The following FNDC7 variants were observed in gnomAD, a reference collection of about 807,000 sequenced individuals.
FNDC7 encodes the protein fibronectin type III domain-containing protein 7.
Under a neutral mutation model 74.2 loss-of-function variants are expected in FNDC7, and 66 were observed. The observed-to-expected ratio is 0.89, with a 90% CI of 0.73 to 1.09. The LOEUF (loss-of-function observed/expected upper bound fraction) is 1.09, where lower values mean the gene tolerates loss of function less well. Ranked by LOEUF, FNDC7 falls within the 50% of genes least tolerant of loss-of-function variation. FNDC7 has a pLI of 0.00. For synonymous variants in FNDC7, 307 were observed against 330.2 expected (o/e 0.93, Z 0.76); for missense variants, 829 against 893.4 (o/e 0.93, Z 0.92).
Position 108,725,803 on chromosome 1 carries a change from T to C in FNDC7, c.910T>C (p.Ser304Pro), listed in dbSNP as rs751402544. The change falls in exon 6 of 13, where the codon TCT (serine) becomes CCT (proline). Residue 304 changes from serine to proline, a missense_variant. Transcript: ENST00000370017. ...CCAAGAAGATCCCCCTGGCCACCTGTCTGTGGCTTGGTCCAGTGTAGATCT... is the reference window on the plus strand; with the variant it reads ...CCAAGAAGATCCCCCTGGCCACCTGCCTGTGGCTTGGTCCAGTGTAGATCT... ...TIQEDPPGHL[S>P]VAWSSVDLGD... The C allele has an allele frequency of 1.9e-6, 3 of 1,614,126 alleles. No individual in the cohort carries two copies. Among genetic ancestry groups the C allele is most frequent in the Non-Finnish European group, 2.5e-6 (3 of 1,179,966 alleles).
At chr1:108,739,002 T>C (rs1661580761) in intron 11 of FNDC7, among the ~76,000 whole-genome samples, 1 of 152,120 alleles carries the variant, frequency 6.6e-6, no homozygotes, top group Non-Finnish European at 1.5e-5. Context: ...AGTATCTCCC[T>C]GAGACATAGA....
chr1:108,716,320 G>GGTGT (rs141850435), intron 2 of FNDC7, among the ~76,000 whole-genome samples: 9,024 of 95,114 alleles, frequency 0.095, 454 homozygotes, highest in Non-Finnish European at 0.11. Context: ...GCAGAAGAGA[G>GGTGT]GTGTGTGTGT....
At chr1:108,713,358 T>C in intron 1 of FNDC7, 153 bp from the exon 2 acceptor site, 3 of 687,336 alleles carry the variant, frequency 4.4e-6, no homozygotes, top group East Asian at 5.5e-5. Flanking sequence ...TGGGAAATGA[T>C]TTGTGTGGAG....
Position 108,717,824 on chromosome 1 carries a change from A to G in FNDC7, c.130A>G (p.Ser44Gly). Reference sequence around the variant, plus strand: ...TCAGGCATATTCAAAACTCAGCAACAGTATCACTGTAGAATGGGCTACAGT... The same window carrying G: ...TCAGGCATATTCAAAACTCAGCAACGGTATCACTGTAGAATGGGCTACAGT... ...IDQAYSKLSN[S>G]ITVEWATVPG... The change falls in exon 3 of 13, where the codon AGT (serine) becomes GGT (glycine). Residue 44 changes from serine (S) to glycine (G), a missense_variant. Coordinates refer to ENST00000370017, the MANE Select transcript of FNDC7 (RefSeq NM_001144937.3). 1 of 1,551,758 alleles carries G rather than the reference A, an allele frequency of 6.4e-7. No individual in the cohort carries two copies. Among genetic ancestry groups the G allele is most frequent in the Non-Finnish European group, 8.7e-7 (1 of 1,147,004 alleles).
chr1:108,735,795 T>G lies in FNDC7; in HGVS notation c.2141-1700T>G, dbSNP rs1661499715. ...TACTGGACAGAGAAATTGTTTTTTT[T>G]TGTGGGGTTTTTTTGTTTGTTTTTT... On this transcript the variant is annotated intron_variant, in intron 10 of 12. Coordinates refer to ENST00000370017, the MANE Select transcript of FNDC7 (RefSeq NM_001144937.3). Among the ~76,000 whole-genome samples the G allele has an allele frequency of 2.0e-5, 3 of 152,186 alleles. No homozygotes were observed. In the South Asian group the frequency reaches 6.2e-4, roughly 32 times the overall value.
At chr1:108,735,920 C>G (rs1203287591) in intron 10 of FNDC7, among the ~76,000 whole-genome samples, 1 of 152,166 alleles carries the variant, frequency 6.6e-6, no homozygotes, top group Non-Finnish European at 1.5e-5. Context: ...ATCCTCCTGC[C>G]TCAGCCTCCC....
chr1:108,732,319 G>C (rs536203867), intron 9 of FNDC7, among the ~76,000 whole-genome samples: 46 of 123,414 alleles, frequency 3.7e-4, no homozygotes, highest in Non-Finnish European at 6.4e-4. Flanking sequence ...ACCAGCCTGG[G>C]CAACAGAGCG....
At position 108,737,504 on chromosome 1, in the gene FNDC7, C is replaced by T; in HGVS notation, c.2150C>T (p.Ser717Phe). ...TGTGTTTTTATTACAGTAACTTGCT[C>T]TGGAAGTACACTTGGAATGGGTAAG... Reference protein sequence around the residue: ...CPKKIYSVTCSGSTLGMVIYR... With the variant: ...CPKKIYSVTCFGSTLGMVIYR... The change falls in exon 11 of 13, where the codon TCT (serine) becomes TTT (phenylalanine). Residue 717 changes from serine to phenylalanine, a missense_variant. Ser to Phe is a radical substitution (Grantham distance 155). Coordinates refer to ENST00000370017, the MANE Select transcript of FNDC7 (RefSeq NM_001144937.3). The T allele has an allele frequency of 1.3e-6, 2 of 1,590,654 alleles. No individual in the cohort carries two copies. Among genetic ancestry groups the T allele is most frequent in the East Asian group, 2.3e-5 (1 of 44,016 alleles).
In FNDC7 at chr1:108,736,343, A is replaced by T. The variant is rs541498406; in HGVS notation, c.2141-1152A>T. ...CTTGTCTGTGAAGCCTTCTCCAATTATCATAAGCAGAGTTAGCCCTCTCTC... is the reference window on the plus strand; with the variant it reads ...CTTGTCTGTGAAGCCTTCTCCAATTTTCATAAGCAGAGTTAGCCCTCTCTC... On this transcript the variant is annotated intron_variant, in intron 10 of 12. Coordinates refer to ENST00000370017, the MANE Select transcript of FNDC7 (RefSeq NM_001144937.3). 2.8e-4 allele frequency among the ~76,000 whole-genome samples: 42 copies of T among 152,082 alleles called. No homozygotes were observed. The South Asian group carries it at 8.1e-3, about 29-fold the overall frequency.
At chr1:108,714,610 T>TTA (rs1419070615) in intron 2 of FNDC7, among the ~76,000 whole-genome samples, 1 of 143,940 alleles carries the variant, frequency 6.9e-6, no homozygotes, top group Non-Finnish European at 1.5e-5. Context: ...GTGGCATTTT[T>TTA]TTTTTTTTTT....
At chr1:108,737,629 T>C (rs1661546616) in intron 11 of FNDC7, 105 bp downstream of exon 11, 1 of 864,604 alleles carries the variant, frequency 1.2e-6, no homozygotes, top group Admixed American at 2.6e-5. Context: ...ATGCTTTCTT[T>C]CTTTGATACA....
intron 2 of FNDC7, among the ~76,000 whole-genome samples, chr1:108,715,665 G>GCA (rs1553192046): frequency 5.7e-5 from 2 of 34,976 alleles, no homozygotes; most frequent in African/African-American, 9.8e-5. Context: ...GCGTGCGTGC[G>GCA]CGCGCGCACA....
At chr1:108,733,060 C>T (rs1661427635) in intron 9 of FNDC7, among the ~76,000 whole-genome samples, 1 of 151,982 alleles carries the variant, frequency 6.6e-6, no homozygotes, top group East Asian at 1.9e-4. Flanking sequence ...AGGCATAAGC[C>T]ATCATGCCCA....
At chr1:108,723,219 G>A (rs1661134678) in intron 5 of FNDC7, among the ~76,000 whole-genome samples, 1 of 152,154 alleles carries the variant, frequency 6.6e-6, no homozygotes, top group African/African-American at 2.4e-5. Context: ...ACAACTCAGT[G>A]AGGTGGGTTC....
intron 9 of FNDC7, among the ~76,000 whole-genome samples, chr1:108,731,413 C>A (rs911378581): frequency 6.6e-6 from 1 of 152,182 alleles, no homozygotes; most frequent in East Asian, 1.9e-4. Context: ...TTCACAAAGA[C>A]CAAACCATTA....
At chr1:108,733,647 TTC>T in intron 10 of FNDC7, 115 bp downstream of exon 10, 14 of 949,538 alleles carry the variant, frequency 1.5e-5, no homozygotes, top group East Asian at 2.7e-5. Flanking sequence ...TAAAATTTCT[TTC>T]TTTTTTTTTT....
At position 108,716,480 on chromosome 1, in the gene FNDC7, C is replaced by T. The variant is rs375516012; in HGVS notation, c.83-1297C>T. ...TCCACTGGCAAGTGGCTATGATGAG[C>T]AGGCCTGAGATTTTCCTCCAGCATA... On this transcript the variant is annotated intron_variant, in intron 2 of 12. Transcript: ENST00000370017. 7.2e-4 allele frequency among the ~76,000 whole-genome samples: 109 copies of T among 152,048 alleles called. 1 individual carries two copies. In the East Asian group the frequency reaches 0.017, roughly 24 times the overall value.
At chr1:108,718,199 G>A (rs996253742) in intron 3 of FNDC7, among the ~76,000 whole-genome samples, 168 bp downstream of exon 3, 10 of 152,324 alleles carry the variant, frequency 6.6e-5, no homozygotes, top group Admixed American at 1.3e-4. Context: ...AGCTATCTGC[G>A]GAGGAGGTGG....
chr1:108,724,649 G>A (rs927981522), intron 5 of FNDC7, among the ~76,000 whole-genome samples: 12 of 151,880 alleles, frequency 7.9e-5, no homozygotes, highest in African/African-American at 2.7e-4. Context: ...AGCTACTCAC[G>A]AGGCTGAGGT....
Sources: gnomAD v4.1 joint callset for allele counts (sites outside exome capture counted in the v4.1 genomes callset) on GRCh38, gnomAD v4.1.1 for gene constraint, MANE v1.5 for transcripts, NCBI Gene and HGNC (gene_info 2026-07-23, HGNC 2026-07-21) for gene names.